The following CCT3 variants were observed in gnomAD, a reference collection of about 807,000 sequenced individuals.
CCT3 encodes chaperonin containing TCP1 subunit 3, also known as T-complex protein 1 subunit gamma.
In CCT3, 10 loss-of-function variants were observed where a neutral mutation model predicts 65.3. The observed-to-expected ratio is 0.15, with a 90% CI of 0.09 to 0.26. CCT3 has a LOEUF of 0.26. CCT3 is among the 10% of genes least tolerant of loss of function. The pLI is 1.00. For synonymous variants in CCT3, 225 were observed against 242.3 expected (o/e 0.93, Z 0.66); for missense variants, 626 against 708.7 (o/e 0.88, Z 1.33).
intron 1 of CCT3, chr1:156,337,117 A>G: frequency 1.6e-6 from 2 of 1,284,936 alleles, no homozygotes; most frequent in East Asian, 5.7e-5. Flanking sequence ...TCAGAAAAAA[A>G]TAAGGGACCG....
At chr1:156,314,626 A>C (rs1158043869) in intron 10 of CCT3, among the ~76,000 whole-genome samples, 1 of 152,150 alleles carries the variant, frequency 6.6e-6, no homozygotes, top group South Asian at 2.1e-4. Flanking sequence ...AGACAGGAGA[A>C]TCGTTTGAAC....
At chr1:156,313,745 C>T (rs1171552004) in intron 10 of CCT3, among the ~76,000 whole-genome samples, 1 of 152,146 alleles carries the variant, frequency 6.6e-6, no homozygotes, top group African/African-American at 2.4e-5. Flanking sequence ...ATACTCTAGA[C>T]CACACAGTCA....
chr1:156,315,945 C>A (rs533830073), intron 10 of CCT3, among the ~76,000 whole-genome samples: 1,529 of 152,198 alleles, frequency 0.01, 24 homozygotes, highest in African/African-American at 0.035. Context: ...TATAACCCAT[C>A]CTGTACTGCC....
intron 5 of CCT3, among the ~76,000 whole-genome samples, chr1:156,326,972 A>T (rs11264473): frequency 0.23 from 35,221 of 152,084 alleles, 4,752 homozygotes; most frequent in Non-Finnish European, 0.29. Flanking sequence ...CTTGAACCTG[A>T]GAGGCAGAGG....
intron 6 of CCT3, among the ~76,000 whole-genome samples, chr1:156,324,407 T>C (rs1664710105): frequency 6.6e-6 from 1 of 152,208 alleles, no homozygotes; most frequent in Non-Finnish European, 1.5e-5. Context: ...GACACTGCTC[T>C]ACATGACTCT....
intron 5 of CCT3, among the ~76,000 whole-genome samples, chr1:156,331,291 C>T (rs1354254130): frequency 4.6e-5 from 7 of 151,792 alleles, no homozygotes; most frequent in Non-Finnish European, 1.0e-4. Context: ...GAGTTTGAGG[C>T]AAGCCTGGGC....
chr1:156,309,241 G>C lies in CCT3; in HGVS notation c.1596C>G (p.Asp532Glu). 1 of 1,614,054 alleles carries C rather than the reference G, an allele frequency of 6.2e-7. No homozygotes were observed. Among genetic ancestry groups the C allele is most frequent in the Non-Finnish European group, 8.5e-7 (1 of 1,179,946 alleles). The change falls in exon 14 of 14, where the codon GAC becomes GAG. Residue 532 changes from aspartate (D) to glutamate (E), a missense_variant. Asp to Glu is a conservative substitution (Grantham distance 45). Coordinates refer to ENST00000295688, the MANE Select transcript of CCT3 (RefSeq NM_005998.5). The part of the protein sequence containing the change: ...IVSGHKKKGD[D>E]QSRQGGAPDA... The stretch of plus-strand genomic sequence containing the variant: ...CAGGAGCCCCGCCTTGCCGGCTCTG[G>C]TCATCGCCTTTCTTTTTGTGGCCTG...
In CCT3 at chr1:156,310,992, C is replaced by T. The variant is rs1326758109; in HGVS notation, c.1359G>A (p.Gln453=). The change falls in exon 12 of 14, where the codon CAG becomes CAA. Residue 453 remains glutamine, a synonymous_variant. Coordinates refer to ENST00000295688, the MANE Select transcript of CCT3 (RefSeq NM_005998.5). Reference sequence around the variant, plus strand: ...GACGGATGGTGCTGGCCCCACAGTTCTGGATCAGGGTACGAGGAATGACCT... The same window carrying T: ...GACGGATGGTGCTGGCCCCACAGTTTTGGATCAGGGTACGAGGAATGACCT... ...ALEVIPRTLI[Q]NCGASTIRLL... 6.2e-7 allele frequency: 1 copy of T among 1,614,190 alleles called. No individual in the cohort carries two copies. The highest frequency in any genetic ancestry group is 1.1e-5 in the South Asian group (1 of 91,076).
At chr1:156,330,454 T>C (rs976165077) in intron 5 of CCT3, among the ~76,000 whole-genome samples, 16 of 151,870 alleles carry the variant, frequency 1.1e-4, no homozygotes, top group Middle Eastern at 3.4e-3. Flanking sequence ...CTGAGGTTGA[T>C]AGAGTTTGAC....
At chr1:156,331,726 C>T (rs1665104586) in intron 5 of CCT3, among the ~76,000 whole-genome samples, 1 of 151,322 alleles carries the variant, frequency 6.6e-6, no homozygotes, top group Non-Finnish European at 1.5e-5. Context: ...AAATTAGCAT[C>T]CCTTATTTTA....
chr1:156,330,990 T>C lies in CCT3; in HGVS notation c.304+2557A>G, dbSNP rs545487903. 2.7e-4 allele frequency among the ~76,000 whole-genome samples: 41 copies of C among 151,578 alleles called. 1 individual carries two copies. In the South Asian group the frequency reaches 8.1e-3, roughly 30 times the overall value. ...GCTCACAGCCTGTAATCCCAGCACT[T>C]TGGGAGGCTGAGGCAGGTGGATCAT... On this transcript the variant is annotated intron_variant, in intron 5 of 13. Transcript: ENST00000295688.
At chr1:156,326,649 C>CAAAAAAAAAAAAAAAAAA (rs760908966) in intron 5 of CCT3, among the ~76,000 whole-genome samples, 10 of 65,552 alleles carry the variant, frequency 1.5e-4, no homozygotes, top group East Asian at 4.3e-4. Context: ...GACTCCATCT[C>CAAAAAAAAAAAAAAAAAA]AAAAAAAAAA....
At chr1:156,323,127 A>G (rs771216678) in intron 6 of CCT3, among the ~76,000 whole-genome samples, 4 of 151,954 alleles carry the variant, frequency 2.6e-5, no homozygotes, top group Non-Finnish European at 5.9e-5. Flanking sequence ...ACCAACATGG[A>G]GAAACCCTGT....
Position 156,309,099 on chromosome 1 carries a change from T to C in CCT3, c.*100A>G. 1 of 807,864 alleles carries C rather than the reference T, an allele frequency of 1.2e-6. No individual in the cohort carries two copies. Among genetic ancestry groups the C allele is most frequent in the East Asian group, 2.5e-5 (1 of 40,724 alleles). 50.0% of individuals were successfully genotyped at this position (807,864 alleles called of 1,614,324 possible). On this transcript the variant is annotated 3_prime_UTR_variant, in exon 14 of 14. Coordinates refer to ENST00000295688, the MANE Select transcript of CCT3 (RefSeq NM_005998.5). ...GACTGGGGGCTGCCCCCCAACCTGATCCCTTCTGAACAAAGACGTCCACAG... is the reference window on the plus strand; with the variant it reads ...GACTGGGGGCTGCCCCCCAACCTGACCCCTTCTGAACAAAGACGTCCACAG...
chr1:156,316,719 C>G (rs889094742), intron 10 of CCT3, among the ~76,000 whole-genome samples: 1 of 152,180 alleles, frequency 6.6e-6, no homozygotes, highest in Non-Finnish European at 1.5e-5. Flanking sequence ...TCTATGAGCA[C>G]AGACATCAGT....
chr1:156,321,286 T>C (rs575851415), intron 6 of CCT3, among the ~76,000 whole-genome samples: 2 of 152,326 alleles, frequency 1.3e-5, no homozygotes, highest in East Asian at 1.9e-4. Context: ...TATAGTAAAA[T>C]AATTTGTTCC....
chr1:156,333,389 T>G, intron 5 of CCT3, 158 bp downstream of exon 5: 1 of 592,052 alleles, frequency 1.7e-6, no homozygotes, highest in Non-Finnish European at 3.0e-6. Context: ...CCTATTCATA[T>G]AAATGTTTTA....
chr1:156,309,246 C>T lies in CCT3; in HGVS notation c.1591G>A (p.Asp531Asn), dbSNP rs755790063. The T allele has an allele frequency of 6.8e-6, 11 of 1,613,924 alleles. No homozygotes were observed. Among genetic ancestry groups the T allele is most frequent in the African/African-American group, 6.7e-5 (5 of 74,910 alleles). The change falls in exon 14 of 14, where the codon GAT becomes AAT. Residue 531 changes from aspartate to asparagine, a missense_variant. Coordinates refer to ENST00000295688, the MANE Select transcript of CCT3 (RefSeq NM_005998.5). ...DIVSGHKKKGDDQSRQGGAPD... is the reference protein window; with the variant it reads ...DIVSGHKKKGNDQSRQGGAPD... ...GCCCCGCCTTGCCGGCTCTGGTCAT[C>T]GCCTTTCTTTTTGTGGCCTGAAACG...
At chr1:156,317,125 C>T (rs2101639041) in intron 10 of CCT3, 41 bp downstream of exon 10, 4 of 1,524,584 alleles carry the variant, frequency 2.6e-6, no homozygotes, top group Non-Finnish European at 3.6e-6. Flanking sequence ...AAAAAGGAAA[C>T]ACACGGGAAG....
Sources: allele counts gnomAD v4.1 joint callset (sites outside exome capture counted in the v4.1 genomes callset), GRCh38; gene constraint gnomAD v4.1.1; transcripts MANE v1.5; gene names NCBI Gene and HGNC (gene_info 2026-07-23, HGNC 2026-07-21).